KIAA1217: variants seen among roughly 807,000 people sequenced by gnomAD.
The protein encoded by KIAA1217 is KIAA1217, also known as sickle tail protein homolog.
KIAA1217 carries 88 observed loss-of-function variants against 163.9 expected under a neutral mutation model. The observed-to-expected ratio is 0.54, with a 90% CI of 0.45 to 0.64. The LOEUF is 0.64. Ranked by LOEUF, KIAA1217 falls within the 30% of genes least tolerant of loss-of-function variation. The probability of loss-of-function intolerance (pLI) is 0.00; values close to 1 mark genes in which losing one functional copy is unlikely to be tolerated. For missense variants in KIAA1217, 2,372 were observed against 2,475.0 expected, an observed-to-expected ratio of 0.96 and a Z score of 0.88; for synonymous variants, 903 against 923.1, an observed-to-expected ratio of 0.98 and a Z score of 0.39.
At chr10:23,707,682 A>G (rs889340538) in intron 1 of KIAA1217, among the ~76,000 whole-genome samples, 1 of 152,162 alleles carries the variant, frequency 6.6e-6, no homozygotes, top group African/African-American at 2.4e-5. Context: ...TTACCACTAC[A>G]CAATATATCC....
chr10:24,409,954 T>C (rs1325560908), intron 3 of KIAA1217, among the ~76,000 whole-genome samples: 2 of 151,840 alleles, frequency 1.3e-5, no homozygotes, highest in African/African-American at 4.8e-5. Flanking sequence ...TTCCATCATA[T>C]ATATATCACA....
intron 1 of KIAA1217, among the ~76,000 whole-genome samples, chr10:23,885,535 T>C (rs1198175986): frequency 6.6e-6 from 1 of 152,004 alleles, no homozygotes. Flanking sequence ...CAAGTTATAA[T>C]GACAAATGCT....
intron 2 of KIAA1217, among the ~76,000 whole-genome samples, chr10:24,202,213 A>G (rs1294467916): frequency 1.3e-5 from 2 of 152,240 alleles, no homozygotes; most frequent in South Asian, 2.1e-4. Context: ...GAACAAAAAC[A>G]AAATAAAACT....
intron 2 of KIAA1217, among the ~76,000 whole-genome samples, chr10:24,279,881 C>A (rs948178073): frequency 1.3e-5 from 2 of 152,230 alleles, no homozygotes; most frequent in African/African-American, 4.8e-5. Context: ...CTGATAGTTG[C>A]AACTAACATT....
chr10:24,433,780 G>A (rs1285441034), intron 4 of KIAA1217, among the ~76,000 whole-genome samples: 1 of 152,104 alleles, frequency 6.6e-6, no homozygotes, highest in Non-Finnish European at 1.5e-5. Context: ...CACATAACAA[G>A]TTAGAATAAA....
upstream of KIAA1217, chr10:24,209,037 G>A (rs1474025267): frequency 3.1e-5 from 19 of 620,952 alleles, no homozygotes; most frequent in East Asian, 5.3e-4. Context: ...TCGGGCGAGG[G>A]AGACTTTGCA....
intron 1 of KIAA1217, among the ~76,000 whole-genome samples, chr10:23,715,043 T>G (rs1837484471): frequency 6.6e-6 from 1 of 152,218 alleles, no homozygotes; most frequent in Non-Finnish European, 1.5e-5. Context: ...GTGTTTATGA[T>G]GATAACATCG....
At chr10:24,072,779 C>G (rs1367835516) in intron 2 of KIAA1217, among the ~76,000 whole-genome samples, 1 of 152,080 alleles carries the variant, frequency 6.6e-6, no homozygotes, top group Non-Finnish European at 1.5e-5. Flanking sequence ...ACTCTGGAAG[C>G]AGTTTGAAAG....
At position 24,388,988 on chromosome 10, in the gene KIAA1217, A is replaced by T. The variant is rs533503045; in HGVS notation, c.553+7921A>T. On this transcript the variant is annotated intron_variant, in intron 3 of 20. Coordinates refer to ENST00000376454, the MANE Select transcript of KIAA1217 (RefSeq NM_019590.5). ...TAAACTAGTTCAACCATTGTGGAAG[A>T]CAGTGTGGTGATTCCTCAAGGATCT... is the stretch of plus-strand genomic sequence containing the variant. Among the ~76,000 whole-genome samples, 57 of 152,168 alleles carry T rather than the reference A, an allele frequency of 3.7e-4. No individual in the cohort carries two copies. The East Asian group carries it at 0.01, about 28-fold the overall frequency.
At chr10:23,709,863 C>T (rs568925581) in intron 1 of KIAA1217, among the ~76,000 whole-genome samples, 1 of 152,282 alleles carries the variant, frequency 6.6e-6, no homozygotes, top group Non-Finnish European at 1.5e-5. Flanking sequence ...AGCCATTGTG[C>T]CATGTTGTCA....
intron 2 of KIAA1217, among the ~76,000 whole-genome samples, chr10:24,161,588 GTATAAAGATATAAAGT>G (rs1196907583): frequency 6.6e-6 from 1 of 152,184 alleles, no homozygotes. Flanking sequence ...AGTTGAGAAG[GTATAAAGATATAAAGT>G]TATAAAGATA....
chr10:24,399,473 C>T (rs1045192037), intron 3 of KIAA1217, among the ~76,000 whole-genome samples: 1 of 152,148 alleles, frequency 6.6e-6, no homozygotes, highest in Non-Finnish European at 1.5e-5. Context: ...TAATAATTAA[C>T]ATTTTAGATT....
intron 1 of KIAA1217, among the ~76,000 whole-genome samples, chr10:23,743,365 G>A (rs7084972): frequency 0.22 from 33,289 of 151,954 alleles, 3,900 homozygotes; most frequent in African/African-American, 0.29. Context: ...CTCTAAGCCA[G>A]GCATGTGATA....
At chr10:23,745,992 A>C (rs1032275530) in intron 1 of KIAA1217, among the ~76,000 whole-genome samples, 1 of 152,180 alleles carries the variant, frequency 6.6e-6, no homozygotes, top group Middle Eastern at 3.2e-3. Flanking sequence ...ACTGAATGTC[A>C]TTCACCATGT....
chr10:24,088,068 A>T (rs1396246599), intron 2 of KIAA1217, among the ~76,000 whole-genome samples: 1 of 123,252 alleles, frequency 8.1e-6, no homozygotes, highest in East Asian at 2.0e-4. Context: ...CACATCTCAC[A>T]GTGGTCCTAC....
At chr10:23,904,152 G>A (rs1842058625) in intron 1 of KIAA1217, among the ~76,000 whole-genome samples, 1 of 152,094 alleles carries the variant, frequency 6.6e-6, no homozygotes. Context: ...GGGCATGCCA[G>A]CTGTAAAGGC....
At chr10:24,141,227 C>CG (rs1022680897) in intron 2 of KIAA1217, among the ~76,000 whole-genome samples, 2 of 93,068 alleles carry the variant, frequency 2.1e-5, no homozygotes, top group African/African-American at 4.1e-5. Context: ...AAGAATAAAC[C>CG]CCCCCCCCCC....
At chr10:24,118,962 T>C (rs1471081727) in intron 2 of KIAA1217, among the ~76,000 whole-genome samples, 1 of 152,122 alleles carries the variant, frequency 6.6e-6, no homozygotes, top group Non-Finnish European at 1.5e-5. Context: ...TTTTCTTCCT[T>C]CCTAACCCCC....
chr10:24,136,183 A>G (rs1172958971), intron 2 of KIAA1217, among the ~76,000 whole-genome samples: 1 of 152,120 alleles, frequency 6.6e-6, no homozygotes, highest in Non-Finnish European at 1.5e-5. Context: ...CGGTACAAAG[A>G]ATATCCACAT....
Sources: gnomAD v4.1 joint callset for allele counts (sites outside exome capture counted in the v4.1 genomes callset) on GRCh38, gnomAD v4.1.1 for gene constraint, MANE v1.5 for transcripts, NCBI Gene and HGNC (gene_info 2026-07-23, HGNC 2026-07-21) for gene names.